The following EIF2S1 variants were observed in gnomAD, a reference collection of about 807,000 sequenced individuals.
The protein encoded by EIF2S1 is eukaryotic translation initiation factor 2 subunit alpha.
A neutral mutation model predicts 33.5 loss-of-function variants in EIF2S1; 5 were observed. The observed-to-expected ratio is 0.15, with a 90% CI of 0.08 to 0.31. EIF2S1 has a LOEUF of 0.31. Ranked by LOEUF, EIF2S1 falls within the 10% of genes least tolerant of loss-of-function variation. The probability of loss-of-function intolerance (pLI) is 1.00; values close to 1 mark genes in which losing one functional copy is unlikely to be tolerated. For synonymous variants in EIF2S1, 99 were observed against 127.5 expected (o/e 0.78, Z 1.51); for missense variants, 191 against 384.6 (o/e 0.50, Z 4.21).
In EIF2S1 at chr14:67,376,522, C is replaced by G. The variant is rs369991106; in HGVS notation, c.405C>G (p.Ala135=). The G allele has an allele frequency of 7.4e-6, 12 of 1,614,070 alleles. No homozygotes were observed. The highest frequency in any genetic ancestry group is 9.3e-6 in the Non-Finnish European group (11 of 1,179,992). The change falls in exon 4 of 8, where the codon GCC becomes GCG. Residue 135 remains alanine, a synonymous_variant. Transcript: ENST00000256383. ...TGGAAAGCCTATTCCAGAGGACTGC[C>G]TGGGTCTTTGATGACAAGTACAAGA... The part of the protein sequence containing the change: ...EQLESLFQRT[A]WVFDDKYKRP...
Position 67,383,610 on chromosome 14 carries a change from A to C in EIF2S1, c.*170A>C. The C allele has an allele frequency of 3.3e-6, 3 of 917,194 alleles. No homozygotes were observed. Among genetic ancestry groups the C allele is most frequent in the Non-Finnish European group, 4.9e-6 (3 of 614,272 alleles). 56.8% of individuals were successfully genotyped at this position (917,194 alleles called of 1,614,324 possible). ...AACATGAAATGCCCTCCTAAATGTC[A>C]GCTGTTGTCACACAGTAGCTCCAAC... On this transcript the variant is annotated 3_prime_UTR_variant, in exon 8 of 8. Transcript: ENST00000256383.
At chr14:67,374,671 C>A in intron 3 of EIF2S1, 124 bp downstream of exon 3, 2 of 604,166 alleles carry the variant, frequency 3.3e-6, no homozygotes, top group Non-Finnish European at 2.6e-6. Flanking sequence ...CAAATTAGTA[C>A]TAGAAGTGTT....
chr14:67,360,929 T>C (rs754382109), intron 1 of EIF2S1, among the ~76,000 whole-genome samples: 1 of 152,148 alleles, frequency 6.6e-6, no homozygotes, highest in Non-Finnish European at 1.5e-5. Flanking sequence ...CTGAGAAACC[T>C]GTGGGACGGG....
chr14:67,380,886 G>A (rs895390858), intron 5 of EIF2S1, 121 bp downstream of exon 5: 13 of 478,160 alleles, frequency 2.7e-5, no homozygotes, highest in African/African-American at 1.8e-4. Flanking sequence ...CTAAATGGTT[G>A]TTTTTTATAA....
chr14:67,365,144 G>A, intron 2 of EIF2S1, 136 bp downstream of exon 2: 1 of 955,280 alleles, frequency 1.0e-6, no homozygotes, highest in Non-Finnish European at 1.5e-6. Context: ...ATACAAAGTT[G>A]TTAGAAAAGG....
At position 67,384,157 on chromosome 14, in the gene EIF2S1, G is replaced by A. The variant is rs943475534; in HGVS notation, c.*717G>A. On this transcript the variant is annotated 3_prime_UTR_variant, in exon 8 of 8. Transcript: ENST00000256383. ...TGTGTGAGAGAATTTATCACACCACGTCCTTATTGGAATAATAAGCTACTT... is the reference window on the plus strand; with the variant it reads ...TGTGTGAGAGAATTTATCACACCACATCCTTATTGGAATAATAAGCTACTT... 4 of 152,106 alleles carry A rather than the reference G, an allele frequency of 2.6e-5. No homozygotes were observed. Among genetic ancestry groups the A allele is most frequent in the Non-Finnish European group, 4.4e-5 (3 of 68,034 alleles). The allele number at this position is 152,106 out of a possible 1,614,324, so 9.4% of individuals were successfully genotyped here. A position where few individuals can be genotyped will look rare whatever the true frequency, so the allele number is the denominator to read the frequency against.
In EIF2S1 at chr14:67,381,636, A is replaced by C. The variant is rs200883012; in HGVS notation, c.624A>C (p.Val208=). The part of the protein sequence containing the change: ...ACYGYEGIDA[V]KEALRAGLNC... ...ATGGTTATGAAGGCATTGATGCTGT[A>C]AAAGAAGCCCTAAGAGCAGGTTTGA... Residue 208 remains valine (V), a synonymous_variant, in exon 6 of 8, where the codon GTA becomes GTC. Transcript: ENST00000256383. 57 of 1,613,634 alleles carry C rather than the reference A, an allele frequency of 3.5e-5. No homozygotes were observed. In the Admixed American group the frequency reaches 9.3e-4, roughly 26 times the overall value.
intron 2 of EIF2S1, among the ~76,000 whole-genome samples, chr14:67,365,869 T>A (rs1271154244): frequency 1.3e-5 from 2 of 152,214 alleles, no homozygotes; most frequent in African/African-American, 4.8e-5. Context: ...TAATTTTTTT[T>A]ATTATAGCCT....
At chr14:67,371,255 A>T (rs1260340860) in intron 2 of EIF2S1, among the ~76,000 whole-genome samples, 1 of 152,042 alleles carries the variant, frequency 6.6e-6, no homozygotes, top group African/African-American at 2.4e-5. Context: ...CTCTATAAAA[A>T]TTTTAAAAAA....
At chr14:67,379,716 G>A (rs1254185910) in intron 4 of EIF2S1, among the ~76,000 whole-genome samples, 30 of 132,130 alleles carry the variant, frequency 2.3e-4, no homozygotes, top group Non-Finnish European at 3.9e-4. Flanking sequence ...GTGCAGTGGC[G>A]GGATCTCGGC....
chr14:67,380,889 T>A (rs1230851296), intron 5 of EIF2S1, 124 bp downstream of exon 5: 1 of 474,542 alleles, frequency 2.1e-6, no homozygotes, highest in East Asian at 3.5e-5. Flanking sequence ...AATGGTTGTT[T>A]TTTATAACAA....
At chr14:67,371,095 G>A (rs1188912837) in intron 2 of EIF2S1, among the ~76,000 whole-genome samples, 2 of 152,084 alleles carry the variant, frequency 1.3e-5, no homozygotes, top group Non-Finnish European at 2.9e-5. Flanking sequence ...GCAGAAATAA[G>A]ATGAGTCATA....
At position 67,383,478 on chromosome 14, in the gene EIF2S1, G is replaced by C; in HGVS notation, c.*38G>C. 1 of 1,608,858 alleles carries C rather than the reference G, an allele frequency of 6.2e-7. No homozygotes were observed. Among genetic ancestry groups the C allele is most frequent in the Non-Finnish European group, 8.5e-7 (1 of 1,176,622 alleles). Reference sequence around the variant, plus strand: ...CAGAGTCCAATTTAAGGAACACAGAGCAGCGCTTCCTGGCTGTAAATCCTA... The same window carrying C: ...CAGAGTCCAATTTAAGGAACACAGACCAGCGCTTCCTGGCTGTAAATCCTA... On this transcript the variant is annotated 3_prime_UTR_variant, in exon 8 of 8. Coordinates refer to ENST00000256383, the MANE Select transcript of EIF2S1 (RefSeq NM_004094.5).
At chr14:67,366,619 T>C (rs926706952) in intron 2 of EIF2S1, among the ~76,000 whole-genome samples, 1 of 152,194 alleles carries the variant, frequency 6.6e-6, no homozygotes, top group African/African-American at 2.4e-5. Flanking sequence ...TATTTTGATA[T>C]GGAAGATCTC....
Position 67,381,699 on chromosome 14 carries a change from T to G in EIF2S1, c.678+9T>G. 2 of 1,597,968 alleles carry G rather than the reference T, an allele frequency of 1.3e-6. No homozygotes were observed. The highest frequency in any genetic ancestry group is 1.7e-6 in the Non-Finnish European group (2 of 1,166,730). ...AAAACATGCCCATTAAGGTGAGTCA[T>G]GAGTTGTCTCCCTCCCTGCTGAAAT... is the stretch of plus-strand genomic sequence containing the variant. On this transcript the variant is annotated intron_variant, in intron 6 of 7. Transcript: ENST00000256383.
rs2085918750 is a variant in EIF2S1, at chr14:67,385,685, G to C, written c.*2245G>C. The stretch of plus-strand genomic sequence containing the variant: ...TTTTTTTTTTTTTTTTTTGGCAAAT[G>C]GTGTTATATTGCCTGGGCAGGTCTC... On this transcript the variant is annotated 3_prime_UTR_variant, in exon 8 of 8. Coordinates refer to ENST00000256383, the MANE Select transcript of EIF2S1 (RefSeq NM_004094.5). 1 of 128,654 alleles carries C rather than the reference G, an allele frequency of 7.8e-6. No homozygotes were observed. Among genetic ancestry groups the C allele is most frequent in the African/African-American group, 3.0e-5 (1 of 33,664 alleles). 8.0% of individuals were successfully genotyped at this position (128,654 alleles called of 1,614,324 possible).
chr14:67,382,739 C>A (rs372555980), intron 7 of EIF2S1, 149 bp downstream of exon 7: 6 of 810,368 alleles, frequency 7.4e-6, no homozygotes, highest in Non-Finnish European at 9.9e-6. Flanking sequence ...GGTCACCCCC[C>A]GTCCCCAGCC....
intron 2 of EIF2S1, among the ~76,000 whole-genome samples, chr14:67,370,299 T>C (rs2141135220): frequency 6.6e-6 from 1 of 152,364 alleles, no homozygotes; most frequent in East Asian, 1.9e-4. Context: ...GGGGCCAGTT[T>C]ATGGCTAGAT....
chr14:67,383,449 G>A lies in EIF2S1; in HGVS notation c.*9G>A. 1.2e-6 allele frequency: 2 copies of A among 1,612,276 alleles called. No homozygotes were observed. The highest frequency in any genetic ancestry group is 1.7e-6 in the Non-Finnish European group (2 of 1,178,768). ...CCAAAGCTGAAGATTAACTTTGTGG[G>A]AAACAGAGTCCAATTTAAGGAACAC... On this transcript the variant is annotated 3_prime_UTR_variant, in exon 8 of 8. Coordinates refer to ENST00000256383, the MANE Select transcript of EIF2S1 (RefSeq NM_004094.5).
Sources: allele counts gnomAD v4.1 joint callset (sites outside exome capture counted in the v4.1 genomes callset), GRCh38; gene constraint gnomAD v4.1.1; transcripts MANE v1.5; gene names NCBI Gene and HGNC (gene_info 2026-07-23, HGNC 2026-07-21).